Variants in TTC29 observed in about 807,000 individuals in gnomAD.
TTC29 encodes tetratricopeptide repeat protein 29.
Under a neutral mutation model 58.1 loss-of-function variants are expected in TTC29, and 49 were observed. That is an observed-to-expected ratio of 0.84 (90% CI 0.67 to 1.07). The LOEUF is 1.07. Ranked by LOEUF, TTC29 falls within the 50% of genes least tolerant of loss-of-function variation. The pLI, the probability that TTC29 is intolerant of heterozygous loss-of-function variation, is 0.00. For missense variants in TTC29, 582 were observed against 555.6 expected (o/e 1.05, Z -0.48); for synonymous variants, 209 against 196.8 (o/e 1.06, Z -0.52).
At chr4:146,716,566 T>C (rs1487053855) in intron 11 of TTC29, among the ~76,000 whole-genome samples, 1 of 152,162 alleles carries the variant, frequency 6.6e-6, no homozygotes, top group Admixed American at 6.6e-5. Context: ...GGGGATGATA[T>C]TTTTAATGAA....
chr4:146,828,951 T>C (rs1490879199), intron 9 of TTC29, among the ~76,000 whole-genome samples: 2 of 152,196 alleles, frequency 1.3e-5, no homozygotes, highest in South Asian at 4.1e-4. Context: ...ATTCTTTTTA[T>C]GGAAGGGGAA....
chr4:146,749,239 A>T (rs1221471606), intron 11 of TTC29, among the ~76,000 whole-genome samples: 1 of 151,850 alleles, frequency 6.6e-6, no homozygotes. Context: ...TGAGCCCATG[A>T]GTTGAAGGCT....
intron 11 of TTC29, among the ~76,000 whole-genome samples, chr4:146,713,039 C>T (rs1742627384): frequency 1.3e-5 from 2 of 150,256 alleles, no homozygotes; most frequent in South Asian, 2.1e-4. Flanking sequence ...AGCCAGAAAG[C>T]AAGTCAGCCT....
At chr4:146,773,520 T>C (rs1747874698) in intron 11 of TTC29, among the ~76,000 whole-genome samples, 1 of 152,196 alleles carries the variant, frequency 6.6e-6, no homozygotes, top group African/African-American at 2.4e-5. Context: ...GAATCACATA[T>C]ATTCATCTGC....
intron 4 of TTC29, among the ~76,000 whole-genome samples, chr4:146,915,940 G>C (rs535932023): frequency 2.6e-4 from 40 of 151,878 alleles, no homozygotes; most frequent in Middle Eastern, 3.4e-3. Context: ...CTAATCAAAA[G>C]TCAGGATAAT....
At chr4:146,749,226 G>A (rs544546715) in intron 11 of TTC29, among the ~76,000 whole-genome samples, 6 of 151,770 alleles carry the variant, frequency 4.0e-5, no homozygotes, top group East Asian at 3.9e-4. Flanking sequence ...TAGGAGGATC[G>A]CCTGAGCCCA....
intron 6 of TTC29, among the ~76,000 whole-genome samples, chr4:146,888,021 T>C (rs750111434): frequency 6.6e-6 from 1 of 151,650 alleles, no homozygotes; most frequent in Non-Finnish European, 1.5e-5. Context: ...ACAACAGTGA[T>C]CTTACCACTT....
intron 11 of TTC29, among the ~76,000 whole-genome samples, chr4:146,728,193 A>C (rs146155524): frequency 0.057 from 8,721 of 151,946 alleles, 400 homozygotes; most frequent in Admixed American, 0.13. Context: ...AGGCTGAGGC[A>C]GGAGAATCAC....
intron 5 of TTC29, among the ~76,000 whole-genome samples, chr4:146,906,278 A>G (rs187239444): frequency 1.3e-5 from 2 of 152,350 alleles, no homozygotes; most frequent in East Asian, 3.9e-4. Context: ...AGTGTTTTAT[A>G]AAGTAATTTA....
chr4:146,904,072 T>A (rs145541585), intron 5 of TTC29, among the ~76,000 whole-genome samples: 2 of 152,274 alleles, frequency 1.3e-5, no homozygotes, highest in African/African-American at 4.8e-5. Flanking sequence ...ATTATGTAGT[T>A]TCATTGAGTA....
intron 9 of TTC29, among the ~76,000 whole-genome samples, chr4:146,825,805 AT>A (rs1727751388): frequency 6.6e-6 from 1 of 152,178 alleles, no homozygotes; most frequent in African/African-American, 2.4e-5. Context: ...GTGCATATAT[AT>A]TTAGAATAAT....
chr4:146,874,598 G>T (rs1238230317), intron 7 of TTC29, 118 bp downstream of exon 7: 1 of 814,158 alleles, frequency 1.2e-6, no homozygotes, highest in Non-Finnish European at 1.9e-6. Flanking sequence ...GATGGCATTT[G>T]TCTTTGCATT....
intron 3 of TTC29, among the ~76,000 whole-genome samples, chr4:146,938,073 C>T (rs938014397): frequency 6.6e-6 from 1 of 152,054 alleles, no homozygotes; most frequent in East Asian, 1.9e-4. Context: ...AAATGTGTAA[C>T]GTGAATTTAT....
chr4:146,815,314 T>C (rs1287134044), intron 10 of TTC29, among the ~76,000 whole-genome samples: 1 of 152,130 alleles, frequency 6.6e-6, no homozygotes, highest in Non-Finnish European at 1.5e-5. Flanking sequence ...GAGTTTGCTT[T>C]TGGATTGAAT....
chr4:146,898,310 T>C (rs1175891830), intron 6 of TTC29, among the ~76,000 whole-genome samples: 2 of 152,178 alleles, frequency 1.3e-5, no homozygotes, highest in African/African-American at 4.8e-5. Flanking sequence ...AAGGGAGTGC[T>C]GGTAGTTATT....
At chr4:146,759,025 TA>T (rs1342679508) in intron 11 of TTC29, among the ~76,000 whole-genome samples, 1 of 151,550 alleles carries the variant, frequency 6.6e-6, no homozygotes, top group African/African-American at 2.4e-5. Flanking sequence ...AATAAAAAAA[TA>T]CAAAACATAA....
intron 4 of TTC29, among the ~76,000 whole-genome samples, chr4:146,911,126 T>A (rs1182041339): frequency 6.6e-6 from 1 of 152,134 alleles, no homozygotes; most frequent in Non-Finnish European, 1.5e-5. Context: ...CGCAAGGGCA[T>A]GCAAAGGCAG....
At chr4:146,906,510 T>C (rs1733531014) in intron 5 of TTC29, among the ~76,000 whole-genome samples, 1 of 152,212 alleles carries the variant, frequency 6.6e-6, no homozygotes, top group Admixed American at 6.5e-5. Context: ...TATTAACACA[T>C]TTCTATATTC....
intron 8 of TTC29, among the ~76,000 whole-genome samples, chr4:146,846,514 G>T (rs1195831108): frequency 1.3e-5 from 2 of 152,100 alleles, no homozygotes; most frequent in Non-Finnish European, 2.9e-5. Context: ...ACCAAAATGA[G>T]GCAGAGAAGC....
Sources: allele counts gnomAD v4.1 joint callset (sites outside exome capture counted in the v4.1 genomes callset), GRCh38; gene constraint gnomAD v4.1.1; transcripts MANE v1.5; gene names NCBI Gene and HGNC (gene_info 2026-07-23, HGNC 2026-07-21).